PKHD1: variants seen among roughly 807,000 people sequenced by gnomAD.
PKHD1 encodes PKHD1 ciliary IPT domain containing fibrocystin/polyductin, also known as fibrocystin.
Under a neutral mutation model 412.0 loss-of-function variants are expected in PKHD1, and 291 were observed. That is an observed-to-expected ratio of 0.71 (90% CI 0.64 to 0.78). The LOEUF is 0.78. PKHD1 is among the 30% of genes least tolerant of loss of function. The pLI is 0.00. For missense variants in PKHD1, 4,825 were observed against 4,950.7 expected (o/e 0.97, Z 0.76); for synonymous variants, 1,777 against 1,821.5 (o/e 0.98, Z 0.62).
intron 49 of PKHD1, among the ~76,000 whole-genome samples, chr6:51,850,619 A>G (rs557156397): frequency 1.3e-5 from 2 of 152,126 alleles, no homozygotes; most frequent in Non-Finnish European, 2.9e-5. Context: ...ACTGCTTGTT[A>G]GCTGTATACG....
intron 60 of PKHD1, among the ~76,000 whole-genome samples, chr6:51,739,164 CTCA>C (rs1466186286): frequency 4.7e-5 from 7 of 147,392 alleles, no homozygotes; most frequent in African/African-American, 1.7e-4. Context: ...ATAAAATATA[CTCA>C]TGTTATATAC....
chr6:52,052,256 G>A (rs1806968713), intron 21 of PKHD1, among the ~76,000 whole-genome samples: 1 of 152,198 alleles, frequency 6.6e-6, no homozygotes, highest in African/African-American at 2.4e-5. Context: ...GAAGCCTGAA[G>A]ACACTGAGGG....
intron 60 of PKHD1, among the ~76,000 whole-genome samples, chr6:51,685,831 T>A (rs1258872755): frequency 6.6e-6 from 1 of 152,138 alleles, no homozygotes; most frequent in East Asian, 1.9e-4. Context: ...GTTTTATAGG[T>A]TAGCAGTCTG....
intron 37 of PKHD1, among the ~76,000 whole-genome samples, chr6:51,932,401 A>G (rs1239036499): frequency 1.3e-5 from 2 of 152,224 alleles, no homozygotes; most frequent in African/African-American, 2.4e-5. Flanking sequence ...GAGCTGTGCT[A>G]TCTGCATCAT....
chr6:51,693,813 T>C (rs1368681970), intron 60 of PKHD1, among the ~76,000 whole-genome samples: 1 of 152,216 alleles, frequency 6.6e-6, no homozygotes, highest in African/African-American at 2.4e-5. Flanking sequence ...TTAAGTGCTT[T>C]ATAAGCATTA....
intron 36 of PKHD1, among the ~76,000 whole-genome samples, chr6:51,957,041 A>G (rs1409129124): frequency 6.6e-6 from 1 of 152,088 alleles, no homozygotes; most frequent in Non-Finnish European, 1.5e-5. Context: ...ATAAAAGCCA[A>G]ATATCCATTA....
intron 60 of PKHD1, among the ~76,000 whole-genome samples, chr6:51,732,137 T>C (rs991580238): frequency 2.6e-5 from 4 of 152,328 alleles, no homozygotes; most frequent in East Asian, 3.9e-4. Context: ...TGTTTCTTTT[T>C]ACTGCTTTTA....
intron 53 of PKHD1, among the ~76,000 whole-genome samples, chr6:51,783,615 A>G (rs1170481974): frequency 1.3e-5 from 2 of 152,028 alleles, no homozygotes; most frequent in Non-Finnish European, 2.9e-5. Flanking sequence ...GCATGAGAAC[A>G]ATGTCTCATA....
At chr6:51,991,770 C>T (rs537645349) in intron 35 of PKHD1, among the ~76,000 whole-genome samples, 1 of 152,262 alleles carries the variant, frequency 6.6e-6, no homozygotes, top group South Asian at 2.1e-4. Flanking sequence ...TAATGATGGA[C>T]TTTATGGATA....
intron 35 of PKHD1, among the ~76,000 whole-genome samples, chr6:51,982,174 C>A (rs1275484199): frequency 2.5e-5 from 1 of 40,194 alleles, no homozygotes. Context: ...CCACCCCGTC[C>A]GGGAGGGAGG....
chr6:52,076,179 T>C, intron 6 of PKHD1, 97 bp downstream of exon 6: 1 of 813,302 alleles, frequency 1.2e-6, no homozygotes, highest in Non-Finnish European at 2.2e-6. Flanking sequence ...AAGAAGAAGT[T>C]AAATTTTCCC....
At chr6:52,078,753 C>T (rs1476943670) in intron 5 of PKHD1, among the ~76,000 whole-genome samples, 1 of 152,190 alleles carries the variant, frequency 6.6e-6, no homozygotes, top group Non-Finnish European at 1.5e-5. Flanking sequence ...TGAAAAGGAT[C>T]ATGGTGATTA....
At chr6:51,939,090 G>C (rs1788014963) in intron 36 of PKHD1, among the ~76,000 whole-genome samples, 1 of 151,458 alleles carries the variant, frequency 6.6e-6, no homozygotes, top group South Asian at 2.1e-4. Context: ...AGAGGTGTCT[G>C]ACCACGTGGG....
chr6:51,702,231 C>CGTATA (rs1779537276), intron 60 of PKHD1, among the ~76,000 whole-genome samples: 1 of 93,392 alleles, frequency 1.1e-5, no homozygotes, highest in African/African-American at 3.4e-5. Context: ...ATATATATGT[C>CGTATA]ATGGAATACT....
chr6:52,002,943 C>T (rs916070368), intron 35 of PKHD1, among the ~76,000 whole-genome samples: 1 of 152,092 alleles, frequency 6.6e-6, no homozygotes, highest in African/African-American at 2.4e-5. Flanking sequence ...AACAGTAATC[C>T]AGTACAGACA....
chr6:51,890,095 TG>T (rs1778877721), intron 43 of PKHD1, among the ~76,000 whole-genome samples: 1 of 152,162 alleles, frequency 6.6e-6, no homozygotes, highest in Non-Finnish European at 1.5e-5. Context: ...GTCCAGGTAC[TG>T]GATTTTAGAG....
chr6:51,847,306 T>G (rs891214410), intron 50 of PKHD1, among the ~76,000 whole-genome samples: 11 of 148,444 alleles, frequency 7.4e-5, no homozygotes, highest in Admixed American at 2.7e-4. Flanking sequence ...CTCACTTTGC[T>G]GCCCTGGCTG....
chr6:51,934,458 G>A (rs914605828), intron 36 of PKHD1, 136 bp from the exon 37 acceptor site: 25 of 706,342 alleles, frequency 3.5e-5, no homozygotes, highest in Non-Finnish European at 5.7e-5. Flanking sequence ...GCTCTCTCTT[G>A]TAGAAGCACA....
chr6:51,680,950 A>G, intron 60 of PKHD1, among the ~76,000 whole-genome samples: 1 of 152,060 alleles, frequency 6.6e-6, no homozygotes, highest in East Asian at 1.9e-4. Context: ...GAATAAATAT[A>G]CAGTTAAAAA....
Sources: allele counts gnomAD v4.1 joint callset (sites outside exome capture counted in the v4.1 genomes callset), GRCh38; gene constraint gnomAD v4.1.1; transcripts MANE v1.5; gene names NCBI Gene and HGNC (gene_info 2026-07-23, HGNC 2026-07-21).